Variants in CIT observed in about 807,000 individuals in gnomAD.
CIT encodes the protein citron rho-interacting serine/threonine kinase.
Under a neutral mutation model 272.7 loss-of-function variants are expected in CIT, and 79 were observed. The observed-to-expected ratio is 0.29, with a 90% CI of 0.24 to 0.35. The LOEUF is 0.35. Ranked by LOEUF, CIT falls within the 10% of genes least tolerant of loss-of-function variation. The pLI is 1.00. For missense variants in CIT, 1,909 were observed against 2,618.3 expected (o/e 0.73, Z 5.91); for synonymous variants, 948 against 995.6 (o/e 0.95, Z 0.90).
chr12:119,689,666 C>CTTTTTTTTTTTTTT (rs531946559), intron 47 of CIT, among the ~76,000 whole-genome samples: 2 of 75,078 alleles, frequency 2.7e-5, no homozygotes, highest in Non-Finnish European at 5.0e-5. Context: ...TTAGGAAGCT[C>CTTTTTTTTTTTTTT]TTTTTTTTTT....
rs532780976 is a variant in CIT at position 119,700,384 on chromosome 12, T to C, written c.5623+361A>G. 2.2e-4 allele frequency among the ~76,000 whole-genome samples: 34 copies of C among 152,286 alleles called. 1 individual carries two copies. The South Asian group carries it at 6.8e-3, about 31-fold the overall frequency. ...AAAATTTCCACTTGCAATTGCGGTT[T>C]TTTTTGTTGTTTTTTTGAGACAGAG... On this transcript the variant is annotated intron_variant, in intron 44 of 47. Coordinates refer to ENST00000392521, the MANE Select transcript of CIT (RefSeq NM_001206999.2).
chr12:119,730,228 A>T (rs1304719355), intron 27 of CIT, among the ~76,000 whole-genome samples: 1 of 152,094 alleles, frequency 6.6e-6, no homozygotes, highest in Non-Finnish European at 1.5e-5. Flanking sequence ...CACCCAGATC[A>T]AAATTCGAAC....
chr12:119,839,455 G>A (rs1056144156), intron 5 of CIT, among the ~76,000 whole-genome samples: 4 of 152,170 alleles, frequency 2.6e-5, no homozygotes, highest in African/African-American at 9.7e-5. Context: ...ATCGTTATCC[G>A]CTCTGCCCAA....
At position 119,719,007 on chromosome 12, in the gene CIT, G is replaced by C. The variant is rs145215199; in HGVS notation, c.3841-146C>G. ...ATTTAGTAAAAATGGCATGTGAAGG[G>C]GGGGAAGGGTAGGCTGAGCCACAGC... is the stretch of plus-strand genomic sequence containing the variant. On this transcript the variant is annotated intron_variant, in intron 30 of 47. Coordinates refer to ENST00000392521, the MANE Select transcript of CIT (RefSeq NM_001206999.2). The C allele has an allele frequency of 1.9e-3, 1,524 of 789,972 alleles. 1 individual carries two copies. The highest frequency in any genetic ancestry group is 2.4e-3 in the Non-Finnish European group (1,198 of 502,720). The allele number at this position is 789,972 out of a possible 1,614,324, so 48.9% of individuals were successfully genotyped here.
Position 119,713,455 on chromosome 12 carries a change from C to G in CIT, c.4487+13G>C, listed in dbSNP as rs1056107610. 9 of 1,612,740 alleles carry G rather than the reference C, an allele frequency of 5.6e-6. No homozygotes were observed. Among genetic ancestry groups the G allele is most frequent in the Non-Finnish European group, 6.8e-6 (8 of 1,179,256 alleles). On this transcript the variant is annotated intron_variant, in intron 34 of 47. Transcript: ENST00000392521. This position sits in a 1 kb window ranked among gnomAD's most constrained non-coding sequence, Gnocchi z 5.2. ...CAGCACCTGCTCCAGCCCAAGCCAC[C>G]CTGACATGGTACCTGGGCACCTTCA... is the stretch of plus-strand genomic sequence containing the variant.
At chr12:119,767,021 AG>A in intron 19 of CIT, 65 bp downstream of exon 19, 3 of 1,191,984 alleles carry the variant, frequency 2.5e-6, no homozygotes, top group South Asian at 4.0e-5. Context: ...ACAAGGGCCC[AG>A]GAAGAGATGG....
At chr12:119,816,420 A>T (rs1177152465) in intron 9 of CIT, among the ~76,000 whole-genome samples, 3 of 152,196 alleles carry the variant, frequency 2.0e-5, no homozygotes, top group African/African-American at 7.2e-5. Context: ...TGAGCCAAAA[A>T]GTGGCCTCCC....
intron 3 of CIT, among the ~76,000 whole-genome samples, chr12:119,862,808 TAAAAAAAAAAAA>T (rs1157467178): frequency 1.0e-2 from 102 of 10,228 alleles, no homozygotes; most frequent in African/African-American, 0.016. Flanking sequence ...AGACTCTACC[TAAAAAAAAAAAA>T]AAAAAAAAAA....
Position 119,724,930 on chromosome 12 carries a change from CAAAAAAAAAA to C in CIT, c.3592-3491_3592-3482del, listed in dbSNP as rs35757526. ...TGGGCGACAGAGCGAGACTCCATCT[CAAAAAAAAAA>C]AAAAAAAAAAAAAAAAAGTGTCATG... On this transcript the variant is annotated intron_variant, in intron 28 of 47. Coordinates refer to ENST00000392521, the MANE Select transcript of CIT (RefSeq NM_001206999.2). Among the ~76,000 whole-genome samples, 19 of 44,554 alleles carry C rather than the reference CAAAAAAAAAA, an allele frequency of 4.3e-4. No homozygotes were observed. In the East Asian group the frequency reaches 0.012, roughly 27 times the overall value. The allele number at this position is 44,554 out of a possible 152,430, so 29.2% of individuals were successfully genotyped here.
intron 9 of CIT, among the ~76,000 whole-genome samples, chr12:119,820,317 A>G (rs573465048): frequency 3.3e-5 from 5 of 152,046 alleles, no homozygotes; most frequent in Admixed American, 6.6e-5. Context: ...TTGGGAGGCT[A>G]AGGTAGGCAG....
chr12:119,729,436 C>T lies in CIT; in HGVS notation c.3487-830G>A, dbSNP rs186681941. Among the ~76,000 whole-genome samples, 6 of 150,962 alleles carry T rather than the reference C, an allele frequency of 4.0e-5. No homozygotes were observed. In the East Asian group the frequency reaches 1.2e-3, roughly 29 times the overall value. On this transcript the variant is annotated intron_variant, in intron 27 of 47. Coordinates refer to ENST00000392521, the MANE Select transcript of CIT (RefSeq NM_001206999.2). ...GGTAAAATACTGGAAGTTCAAATTT[C>T]CAATACAAGTATAATGATTCAAGTA...
chr12:119,761,020 G>A lies in CIT; in HGVS notation c.2340C>T (p.Asp780=). ...LDNQIKKDLA[D]KETLENMMQR... ...GCATCATGTTCTCCAGTGTCTCCTT[G>A]TCAGCCAGGTCTTTCTTTATCTGAT... The change falls in exon 20 of 48, where the codon GAC becomes GAT. Residue 780 remains aspartate, a synonymous_variant. Coordinates refer to ENST00000392521, the MANE Select transcript of CIT (RefSeq NM_001206999.2). 6.2e-7 allele frequency: 1 copy of A among 1,614,012 alleles called. No individual in the cohort carries two copies. Among genetic ancestry groups the A allele is most frequent in the Non-Finnish European group, 8.5e-7 (1 of 1,179,950 alleles).
chr12:119,772,824 C>T lies in CIT; in HGVS notation c.2028G>A (p.Leu676=). The part of the protein sequence containing the change: ...KERAERELEK[L]QNREDSSEGI... Reference sequence around the variant, plus strand: ...CTTCAGAAGAATCCTCTCGGTTCTGCAGCTTCTCCAGCTCCCTCTCGGCTC... The same window carrying T: ...CTTCAGAAGAATCCTCTCGGTTCTGTAGCTTCTCCAGCTCCCTCTCGGCTC... The change falls in exon 17 of 48, where the codon CTG becomes CTA. Residue 676 remains leucine, a synonymous_variant. Transcript: ENST00000392521. 1 of 1,614,026 alleles carries T rather than the reference C, an allele frequency of 6.2e-7. No individual in the cohort carries two copies. The highest frequency in any genetic ancestry group is 8.5e-7 in the Non-Finnish European group (1 of 1,180,000).
chr12:119,843,305 A>G (rs949607112), intron 5 of CIT, among the ~76,000 whole-genome samples: 1 of 152,204 alleles, frequency 6.6e-6, no homozygotes, highest in African/African-American at 2.4e-5. Context: ...AAGGGTTTCA[A>G]CAGCGGGCTG....
At chr12:119,850,554 C>T (rs899227087) in intron 4 of CIT, among the ~76,000 whole-genome samples, 2 of 151,838 alleles carry the variant, frequency 1.3e-5, no homozygotes, top group Non-Finnish European at 2.9e-5. Context: ...GTCACTTAGC[C>T]CAGAATTGCA....
chr12:119,863,918 G>A (rs544195937), intron 3 of CIT, among the ~76,000 whole-genome samples: 3 of 151,716 alleles, frequency 2.0e-5, no homozygotes, highest in East Asian at 1.9e-4. Flanking sequence ...GCAAGAAGGC[G>A]CCATTTTTGA....
chr12:119,845,822 C>T (rs555997604), intron 5 of CIT, among the ~76,000 whole-genome samples: 5 of 150,974 alleles, frequency 3.3e-5, no homozygotes, highest in Admixed American at 6.6e-5. Flanking sequence ...TGGTGTCACA[C>T]GCCTGTAATC....
intron 40 of CIT, among the ~76,000 whole-genome samples, 159 bp downstream of exon 40, chr12:119,708,020 C>T (rs765950421): frequency 4.0e-5 from 6 of 151,342 alleles, no homozygotes; most frequent in Non-Finnish European, 7.4e-5. Context: ...ATTGCAAAGC[C>T]CTGTTCCCAA....
intron 7 of CIT, among the ~76,000 whole-genome samples, chr12:119,831,710 A>G (rs759033229): frequency 3.9e-5 from 6 of 152,154 alleles, no homozygotes; most frequent in Non-Finnish European, 8.8e-5. Context: ...TCTACTAAAA[A>G]TACAAAAAAT....
Sources: gnomAD v4.1 joint callset for allele counts (sites outside exome capture counted in the v4.1 genomes callset) on GRCh38, gnomAD v4.1.1 for gene constraint, Gnocchi (gnomAD v3.1) non-coding constraint, MANE v1.5 for transcripts, NCBI Gene and HGNC (gene_info 2026-07-23, HGNC 2026-07-21) for gene names.